EEFSEC: variants seen among roughly 807,000 people sequenced by gnomAD.
EEFSEC encodes the protein selenocysteine-specific elongation factor.
In EEFSEC, 43 loss-of-function variants were observed where a neutral mutation model predicts 42.1. That is an observed-to-expected ratio of 1.02 (90% CI 0.80 to 1.32). The LOEUF is 1.32. Among genes scored for constraint, EEFSEC ranks in the 40% most tolerant of loss-of-function variants. The probability of loss-of-function intolerance (pLI) is 0.00; values close to 1 mark genes in which losing one functional copy is unlikely to be tolerated. For missense variants in EEFSEC, 745 were observed against 803.6 expected (o/e 0.93, Z 0.88); for synonymous variants, 354 against 339.1 (o/e 1.04, Z -0.48).
intron 5 of EEFSEC, among the ~76,000 whole-genome samples, chr3:128,348,712 T>C (rs2067346235): frequency 1.3e-5 from 2 of 152,144 alleles, no homozygotes; most frequent in Admixed American, 6.5e-5. Flanking sequence ...AGGTAAATAG[T>C]AGGTCGGGTA....
chr3:128,226,593 C>G (rs2065909989), intron 1 of EEFSEC, among the ~76,000 whole-genome samples: 1 of 152,170 alleles, frequency 6.6e-6, no homozygotes, highest in Non-Finnish European at 1.5e-5. Flanking sequence ...CGGCCTGCTC[C>G]CTCCCTCCAG....
At chr3:128,183,416 A>G (rs1400416932) in intron 1 of EEFSEC, among the ~76,000 whole-genome samples, 2 of 152,220 alleles carry the variant, frequency 1.3e-5, no homozygotes, top group East Asian at 3.9e-4. Flanking sequence ...AAATGCAGCC[A>G]GAGTTGATTG....
At chr3:128,410,614 C>T (rs2068167256), downstream of EEFSEC, among the ~76,000 whole-genome samples, 1 of 152,204 alleles carries the variant, frequency 6.6e-6, no homozygotes, top group Non-Finnish European at 1.5e-5. Context: ...CCTCATGCCT[C>T]AGTGTCCCCA....
At chr3:128,218,368 A>G (rs757057795) in intron 1 of EEFSEC, among the ~76,000 whole-genome samples, 6 of 152,182 alleles carry the variant, frequency 3.9e-5, no homozygotes, top group Non-Finnish European at 7.3e-5. Context: ...AATCAGCTCT[A>G]TATCTTAAGT....
At chr3:128,176,532 G>A (rs1387221561) in intron 1 of EEFSEC, among the ~76,000 whole-genome samples, 2 of 152,160 alleles carry the variant, frequency 1.3e-5, no homozygotes, top group Non-Finnish European at 2.9e-5. Flanking sequence ...ACACTGATAG[G>A]TACCAATCAC....
In EEFSEC at chr3:128,218,516, C is replaced by T. The variant is rs1490455823; in HGVS notation, c.317-28320C>T. Among the ~76,000 whole-genome samples, 8 of 152,208 alleles carry T rather than the reference C, an allele frequency of 5.3e-5. No homozygotes were observed. The South Asian group carries it at 8.3e-4, about 16-fold the overall frequency. On this transcript the variant is annotated intron_variant, in intron 1 of 6. Coordinates refer to ENST00000254730, the MANE Select transcript of EEFSEC (RefSeq NM_021937.5). The stretch of plus-strand genomic sequence containing the variant: ...GAGTGGACTACTCAAGCTGCTCAAC[C>T]GTCTTGATTTATGTTTAATTCTTGC...
At chr3:128,411,036 C>T (rs900403213), downstream of EEFSEC, among the ~76,000 whole-genome samples, 2 of 152,220 alleles carry the variant, frequency 1.3e-5, no homozygotes, top group African/African-American at 4.8e-5. Context: ...AACGCCCAGC[C>T]GACTGCCCCA....
intron 6 of EEFSEC, among the ~76,000 whole-genome samples, chr3:128,406,728 A>G (rs1383219807): frequency 2.0e-5 from 3 of 152,016 alleles, no homozygotes; most frequent in Non-Finnish European, 2.9e-5. Context: ...TGGGAGGATC[A>G]CTTGAGCCCA....
rs72977317 is a variant in EEFSEC, at chr3:128,332,088, A to C, written c.787-9145A>C. On this transcript the variant is annotated intron_variant, in intron 4 of 6. Transcript: ENST00000254730. ...TATAAAGAAATACTATACAGCTGTCAAAAAAGAATACCATATATATGTTAT... is the reference window on the plus strand; with the variant it reads ...TATAAAGAAATACTATACAGCTGTCCAAAAAGAATACCATATATATGTTAT... 3.1e-3 allele frequency among the ~76,000 whole-genome samples: 475 copies of C among 152,340 alleles called. 1 individual carries two copies. The highest frequency in any genetic ancestry group is 0.011 in the African/African-American group (442 of 41,566).
intron 1 of EEFSEC, among the ~76,000 whole-genome samples, chr3:128,161,563 C>T (rs1282897251): frequency 6.6e-6 from 1 of 152,190 alleles, no homozygotes; most frequent in Non-Finnish European, 1.5e-5. Context: ...CAAAAGACTT[C>T]TAAGTCTGAC....
intron 4 of EEFSEC, among the ~76,000 whole-genome samples, chr3:128,267,812 T>C (rs1171430597): frequency 6.6e-6 from 1 of 152,216 alleles, no homozygotes; most frequent in Non-Finnish European, 1.5e-5. Flanking sequence ...TGGACTTCTA[T>C]AGCAAAGTTA....
intron 4 of EEFSEC, among the ~76,000 whole-genome samples, chr3:128,272,981 G>A (rs1346314410): frequency 1.3e-5 from 2 of 152,188 alleles, no homozygotes; most frequent in African/African-American, 2.4e-5. Flanking sequence ...CATCACTCAC[G>A]GGGCAGTTAC....
At chr3:128,262,333 G>C (rs2066307498) in intron 3 of EEFSEC, 109 bp downstream of exon 3, 1 of 956,938 alleles carries the variant, frequency 1.0e-6, no homozygotes, top group Non-Finnish European at 1.6e-6. Flanking sequence ...CCTAGCAAGA[G>C]GACTCAGTTG....
chr3:128,295,377 A>G (rs2066691721), intron 4 of EEFSEC, among the ~76,000 whole-genome samples: 1 of 148,720 alleles, frequency 6.7e-6, no homozygotes, highest in African/African-American at 2.5e-5. Context: ...GGTCAAGGAA[A>G]TGCATCCGTA....
In EEFSEC at chr3:128,324,300, T is replaced by G. The variant is rs997124925; in HGVS notation, c.787-16933T>G. On this transcript the variant is annotated intron_variant, in intron 4 of 6. Transcript: ENST00000254730. Reference sequence around the variant, plus strand: ...TTCCATGAATCTTAAAGTCCAAAACTTGGTATTTCAAAGAATTTCTGTGCT... The same window carrying G: ...TTCCATGAATCTTAAAGTCCAAAACGTGGTATTTCAAAGAATTTCTGTGCT... Among the ~76,000 whole-genome samples, 5 of 151,290 alleles carry G rather than the reference T, an allele frequency of 3.3e-5. 1 individual carries two copies. In the South Asian group the frequency reaches 1.0e-3, roughly 31 times the overall value.
chr3:128,255,802 G>C (rs925519195), intron 2 of EEFSEC, among the ~76,000 whole-genome samples: 1 of 152,082 alleles, frequency 6.6e-6, no homozygotes, highest in Non-Finnish European at 1.5e-5. Flanking sequence ...GGGGCTGTAG[G>C]AGTCTCTGGA....
chr3:128,383,441 A>T (rs2067800163), intron 6 of EEFSEC, among the ~76,000 whole-genome samples: 1 of 152,230 alleles, frequency 6.6e-6, no homozygotes, highest in Non-Finnish European at 1.5e-5. Context: ...CTGTTATATG[A>T]ACTCACTTGG....
intron 3 of EEFSEC, among the ~76,000 whole-genome samples, chr3:128,263,444 A>G (rs1270199150): frequency 6.6e-6 from 1 of 152,232 alleles, no homozygotes; most frequent in Non-Finnish European, 1.5e-5. Context: ...GCTTAGCAAA[A>G]CAAATGTTTT....
At chr3:128,350,929 A>G (rs770166041) in intron 5 of EEFSEC, among the ~76,000 whole-genome samples, 1 of 152,190 alleles carries the variant, frequency 6.6e-6, no homozygotes, top group Non-Finnish European at 1.5e-5. Context: ...TACTGGAACA[A>G]CACCATCATC....
Sources: gnomAD v4.1 joint callset for allele counts (sites outside exome capture counted in the v4.1 genomes callset) on GRCh38, gnomAD v4.1.1 for gene constraint, MANE v1.5 for transcripts, NCBI Gene and HGNC (gene_info 2026-07-23, HGNC 2026-07-21) for gene names.